Variants in RAD54B observed in about 807,000 individuals in gnomAD.
RAD54B encodes DNA repair and recombination protein RAD54B.
RAD54B carries 78 observed loss-of-function variants against 95.8 expected under a neutral mutation model. The observed-to-expected ratio is 0.81, with a 90% CI of 0.68 to 0.98. The LOEUF (loss-of-function observed/expected upper bound fraction) is 0.98. Ranked by LOEUF, RAD54B falls within the 50% of genes least tolerant of loss-of-function variation. RAD54B has a pLI of 0.00. For missense variants in RAD54B, 957 were observed against 1,056.6 expected, an observed-to-expected ratio of 0.91 and a Z score of 1.31; for synonymous variants, 328 against 354.9, an observed-to-expected ratio of 0.92 and a Z score of 0.85.
chr8:94,418,586 G>A lies in RAD54B; in HGVS notation c.305-7271C>T, dbSNP rs372041427. On this transcript the variant is annotated intron_variant, in intron 3 of 14. Transcript: ENST00000336148. ...GGATATAGAATCGTTCCATCATCCC[G>A]AAAGACTCCCTCATGCTATTGCTTT... Among the ~76,000 whole-genome samples, 12 of 151,898 alleles carry A rather than the reference G, an allele frequency of 7.9e-5. No homozygotes were observed. The South Asian group carries it at 1.7e-3, about 21-fold the overall frequency.
chr8:94,436,033 C>CTGAAT (rs1176930045), intron 3 of RAD54B, among the ~76,000 whole-genome samples: 1 of 151,916 alleles, frequency 6.6e-6, no homozygotes, highest in Admixed American at 6.6e-5. Flanking sequence ...AACATATATT[C>CTGAAT]AATAAGTGTA....
At chr8:94,432,243 C>A in intron 3 of RAD54B, 1 of 1,550,368 alleles carries the variant, frequency 6.5e-7, no homozygotes, top group Non-Finnish European at 8.7e-7. Flanking sequence ...TCTTTTCAAT[C>A]CATCCCTCTT....
chr8:94,390,496 A>T (rs1415782111), intron 10 of RAD54B, among the ~76,000 whole-genome samples: 1 of 150,060 alleles, frequency 6.7e-6, no homozygotes, highest in African/African-American at 2.4e-5. Context: ...ACAAGACTTC[A>T]TCTCAAAAAA....
At chr8:94,443,110 C>G (rs1048269704) in intron 3 of RAD54B, among the ~76,000 whole-genome samples, 1 of 152,162 alleles carries the variant, frequency 6.6e-6, no homozygotes, top group African/African-American at 2.4e-5. Context: ...ACAAGCTTAC[C>G]TTCTTAGGTA....
intron 3 of RAD54B, among the ~76,000 whole-genome samples, chr8:94,426,077 T>C (rs975305905): frequency 6.6e-6 from 1 of 151,904 alleles, no homozygotes; most frequent in Middle Eastern, 3.2e-3. Flanking sequence ...CTCAGCCTCC[T>C]GAGTAGCTGG....
At chr8:94,406,941 T>C (rs2130027388) in intron 5 of RAD54B, among the ~76,000 whole-genome samples, 1 of 152,266 alleles carries the variant, frequency 6.6e-6, no homozygotes, top group Non-Finnish European at 1.5e-5. Context: ...TTTTTAAAAT[T>C]GCATTCATCA....
chr8:94,389,944 G>A (rs566713350), intron 10 of RAD54B, among the ~76,000 whole-genome samples: 99 of 152,236 alleles, frequency 6.5e-4, no homozygotes, highest in Non-Finnish European at 1.2e-3. Flanking sequence ...TATACTCTGG[G>A]CCATCATAAG....
At chr8:94,465,255 T>C (rs923619692) in intron 2 of RAD54B, among the ~76,000 whole-genome samples, 1 of 152,056 alleles carries the variant, frequency 6.6e-6, no homozygotes, top group Non-Finnish European at 1.5e-5. Context: ...GAAAGAAATA[T>C]AGGATAAAAC....
At chr8:94,376,635 C>T (rs1403542723) in intron 14 of RAD54B, among the ~76,000 whole-genome samples, 1 of 149,920 alleles carries the variant, frequency 6.7e-6, no homozygotes, top group African/African-American at 2.4e-5. Flanking sequence ...TTAAATTCTA[C>T]CCACTAAAAA....
intron 2 of RAD54B, among the ~76,000 whole-genome samples, chr8:94,460,799 C>T (rs1328619775): frequency 6.6e-6 from 1 of 151,908 alleles, no homozygotes; most frequent in South Asian, 2.1e-4. Flanking sequence ...AATTCTTTGG[C>T]TTAGCCCTCT....
chr8:94,423,399 A>C (rs1400834802), intron 3 of RAD54B, among the ~76,000 whole-genome samples: 2 of 152,144 alleles, frequency 1.3e-5, no homozygotes, highest in African/African-American at 2.4e-5. Context: ...AACAAACAAA[A>C]AAAACTTGTT....
At chr8:94,440,578 GT>G (rs1554608481) in intron 3 of RAD54B, among the ~76,000 whole-genome samples, 2 of 152,164 alleles carry the variant, frequency 1.3e-5, no homozygotes, top group Non-Finnish European at 2.9e-5. Context: ...TAGTCATAGA[GT>G]TTTATGAAGA....
intron 8 of RAD54B, among the ~76,000 whole-genome samples, chr8:94,397,766 C>T (rs1333995001): frequency 6.6e-6 from 1 of 152,018 alleles, no homozygotes; most frequent in Admixed American, 6.6e-5. Flanking sequence ...TAGTGCTAAA[C>T]ATTTTTACTT....
chr8:94,395,615 T>C (rs1454182482), intron 8 of RAD54B, among the ~76,000 whole-genome samples: 2 of 152,104 alleles, frequency 1.3e-5, no homozygotes, highest in Non-Finnish European at 2.9e-5. Context: ...AAAGGAGAGC[T>C]AGAAAGGGCA....
chr8:94,468,157 A>C (rs1236692528), intron 1 of RAD54B: 1 of 152,118 alleles, frequency 6.6e-6, no homozygotes, highest in Non-Finnish European at 1.5e-5. Context: ...AAGATGTCTC[A>C]CCTTTTTAGG....
chr8:94,374,745 T>A (rs1810526741), intron 14 of RAD54B, among the ~76,000 whole-genome samples: 1 of 152,132 alleles, frequency 6.6e-6, no homozygotes, highest in African/African-American at 2.4e-5. Flanking sequence ...ATAAAATATA[T>A]GAAGCAGAAA....
chr8:94,373,141 C>T (rs1810481041), intron 14 of RAD54B: 2 of 152,094 alleles, frequency 1.3e-5, no homozygotes, highest in South Asian at 2.1e-4. Context: ...ATGATAAGCA[C>T]ATTAAAAAGC....
chr8:94,374,235 C>T (rs11996487), intron 14 of RAD54B, among the ~76,000 whole-genome samples: 3,240 of 151,376 alleles, frequency 0.021, 110 homozygotes, highest in African/African-American at 0.074. Flanking sequence ...GCCGAGATAG[C>T]GCCACTGCAC....
intron 10 of RAD54B, among the ~76,000 whole-genome samples, chr8:94,388,630 C>T (rs1016203189): frequency 6.6e-6 from 1 of 152,126 alleles, no homozygotes; most frequent in South Asian, 2.1e-4. Flanking sequence ...ATACTAGAAA[C>T]ACTTTAAGGG....
Sources: gnomAD v4.1 joint callset for allele counts (sites outside exome capture counted in the v4.1 genomes callset) on GRCh38, gnomAD v4.1.1 for gene constraint, MANE v1.5 for transcripts, NCBI Gene and HGNC (gene_info 2026-07-23, HGNC 2026-07-21) for gene names.